MFN2: variants seen among roughly 807,000 people sequenced by gnomAD.
MFN2 encodes the protein mitofusin-2.
In MFN2, 43 loss-of-function variants were observed where a neutral mutation model predicts 87.5. The ratio of observed to expected loss-of-function variants is 0.49; its 90% confidence interval spans 0.38 to 0.63. The LOEUF (loss-of-function observed/expected upper bound fraction) is 0.63, where lower values mean the gene tolerates loss of function less well. MFN2 is among the 30% of genes least tolerant of loss of function. The probability of loss-of-function intolerance (pLI) is 0.00; values close to 1 mark genes in which losing one functional copy is unlikely to be tolerated. For missense variants in MFN2, 743 were observed against 972.8 expected (o/e 0.76, Z 3.14); for synonymous variants, 337 against 359.9 (o/e 0.94, Z 0.72).
Position 12,002,102 on chromosome 1 carries a change from C to G in MFN2, c.1159C>G (p.Gln387Glu). ...CCTGCACATGGCGGCTCGGGAGCAG[C>G]AGTAAGAGTCCAAGACTGCAGATAG... ...DSLHMAAREQ[Q>E]VYCEEMREER... Residue 387 changes from glutamine to glutamate, a missense_variant and splice_region_variant, in exon 11 of 19, where the codon CAG becomes GAG. Around this residue, in one of 3 missense-constraint regions of MFN2, gnomAD observed 571 missense variants for 670.7 expected, o/e 0.85. Coordinates refer to ENST00000235329, the MANE Select transcript of MFN2 (RefSeq NM_014874.4). 6.2e-7 allele frequency: 1 copy of G among 1,614,236 alleles called. No homozygotes were observed. The highest frequency in any genetic ancestry group is 8.5e-7 in the Non-Finnish European group (1 of 1,180,040).
Position 12,004,229 on chromosome 1 carries a change from G to A in MFN2, c.1287+111G>A, listed in dbSNP as rs1639302989. ...TCTCAGCCTTTCAGAAGAAAGTTGTGGCCCTGTTTCAAGAATACAGAGCTG... is the reference window on the plus strand; with the variant it reads ...TCTCAGCCTTTCAGAAGAAAGTTGTAGCCCTGTTTCAAGAATACAGAGCTG... On this transcript the variant is annotated intron_variant, in intron 12 of 18. Transcript: ENST00000235329. The surrounding 1 kb of genome is among the most constrained non-coding windows in gnomAD (Gnocchi z 4.2). 3.4e-6 allele frequency: 5 copies of A among 1,460,946 alleles called. No homozygotes were observed. The highest frequency in any genetic ancestry group is 4.7e-6 in the Non-Finnish European group (5 of 1,060,426). The allele number at this position is 1,460,946 out of a possible 1,614,324, so 90.5% of individuals were successfully genotyped here. A position where few individuals can be genotyped will look rare whatever the true frequency, so the allele number is the denominator to read the frequency against.
At position 12,004,449 on chromosome 1, in the gene MFN2, G is replaced by C. The variant is rs1639313708; in HGVS notation, c.1288-60G>C. The C allele has an allele frequency of 7.1e-7, 1 of 1,406,290 alleles. No individual in the cohort carries two copies. Among genetic ancestry groups the C allele is most frequent in the Non-Finnish European group, 1.0e-6 (1 of 991,014 alleles). The allele number at this position is 1,406,290 out of a possible 1,614,324, so 87.1% of individuals were successfully genotyped here. The stretch of plus-strand genomic sequence containing the variant: ...GCCATCTGCTAGGATCTCTCCTGGT[G>C]CTGCAGGAGTGAACTTTGGTCTTCC... On this transcript the variant is annotated intron_variant, in intron 12 of 18. Transcript: ENST00000235329. This position sits in a 1 kb window ranked among gnomAD's most constrained non-coding sequence, Gnocchi z 4.2.
Position 12,005,794 on chromosome 1 carries a change from G to T in MFN2, c.1579G>T (p.Asp527Tyr). 1 of 1,614,182 alleles carries T rather than the reference G, an allele frequency of 6.2e-7. No individual in the cohort carries two copies. Among genetic ancestry groups the T allele is most frequent in the South Asian group, 1.1e-5 (1 of 91,072 alleles). Residue 527 changes from aspartate (D) to tyrosine (Y), a missense_variant, in exon 15 of 19, where the codon GAC becomes TAC. Physicochemically the swap from Asp to Tyr is radical, Grantham distance 160 (BLOSUM62 -3). Coordinates refer to ENST00000235329, the MANE Select transcript of MFN2 (RefSeq NM_014874.4). ...VPRQCFSLNY[D>Y]LNCDKLCADF... ...ACGCCAGTGCTTCTCCCTCAACTAT[G>T]ACCTAAACTGTGACAAGCTGTGTGC...
Position 12,004,100 on chromosome 1 carries a change from G to T in MFN2, c.1269G>T (p.Thr423=). The T allele has an allele frequency of 6.2e-7, 1 of 1,614,132 alleles. No homozygotes were observed. The highest frequency in any genetic ancestry group is 1.3e-5 in the African/African-American group (1 of 75,048). The change falls in exon 12 of 19, where the codon ACG becomes ACT. Residue 423 remains threonine (T), a synonymous_variant. Coordinates refer to ENST00000235329, the MANE Select transcript of MFN2 (RefSeq NM_014874.4). The surrounding 1 kb of genome is among the most constrained non-coding windows in gnomAD (Gnocchi z 4.2). ...ATAAGCTGCGAATTAAGCAGATTAC[G>T]GAGGAAGTGGAGAGGCAGGTGAGAA... The part of the protein sequence containing the change: ...QDYKLRIKQI[T]EEVERQVSTA...
At position 11,986,972 on chromosome 1, in the gene MFN2, G is replaced by A. The variant is rs187517564; in HGVS notation, c.-4-2193G>A. The stretch of plus-strand genomic sequence containing the variant: ...ATGAAAAGATAAGCTACAAAGATAT[G>A]TAGGATTGAGTGAGAGCAAGAGAGA... On this transcript the variant is annotated intron_variant, in intron 2 of 18. Coordinates refer to ENST00000235329, the MANE Select transcript of MFN2 (RefSeq NM_014874.4). 3.3e-5 allele frequency among the ~76,000 whole-genome samples: 5 copies of A among 152,258 alleles called. No homozygotes were observed. The East Asian group carries it at 7.7e-4, about 24-fold the overall frequency.
intron 4 of MFN2, among the ~76,000 whole-genome samples, chr1:11,993,800 C>A (rs1478400621): frequency 6.6e-6 from 1 of 151,476 alleles, no homozygotes; most frequent in East Asian, 1.9e-4. Flanking sequence ...TTACTGCTAG[C>A]TTGATATACA....
chr1:12,011,392 A>C, intron 18 of MFN2, 104 bp from the exon 19 acceptor site: 1 of 1,135,478 alleles, frequency 8.8e-7, no homozygotes, highest in Non-Finnish European at 1.3e-6. Context: ...TTGGAGGATG[A>C]TGTAAGGGTG....
chr1:12,005,816 G>A lies in MFN2; in HGVS notation c.1601G>A (p.Cys534Tyr). Reference sequence around the variant, plus strand: ...TATGACCTAAACTGTGACAAGCTGTGTGCTGACTTCCAGGAAGACATTGAG... The same window carrying A: ...TATGACCTAAACTGTGACAAGCTGTATGCTGACTTCCAGGAAGACATTGAG... ...LNYDLNCDKL[C>Y]ADFQEDIEFH... Residue 534 changes from cysteine (C) to tyrosine (Y), a missense_variant, in exon 15 of 19, where the codon TGT becomes TAT. By Grantham distance (194) the Cys-to-Tyr change is radical. Coordinates refer to ENST00000235329, the MANE Select transcript of MFN2 (RefSeq NM_014874.4). The A allele has an allele frequency of 1.2e-6, 2 of 1,614,184 alleles. No individual in the cohort carries two copies. Among genetic ancestry groups the A allele is most frequent in the Non-Finnish European group, 8.5e-7 (1 of 1,180,020 alleles).
intron 3 of MFN2, among the ~76,000 whole-genome samples, chr1:11,991,758 A>G (rs1638687335): frequency 6.6e-6 from 1 of 151,308 alleles, no homozygotes; most frequent in Non-Finnish European, 1.5e-5. Flanking sequence ...CCCTGTCTCT[A>G]CTAAAAATAC....
intron 4 of MFN2, among the ~76,000 whole-genome samples, 159 bp downstream of exon 4, chr1:11,992,849 G>A (rs781590452): frequency 6.6e-6 from 1 of 151,650 alleles, no homozygotes; most frequent in Non-Finnish European, 1.5e-5. Context: ...TTTGAGACAG[G>A]GTTCTCTGTC....
intron 2 of MFN2, among the ~76,000 whole-genome samples, chr1:11,987,787 A>C (rs1638485345): frequency 6.6e-6 from 1 of 151,658 alleles, no homozygotes. Flanking sequence ...GTCTCTACAA[A>C]AAATTTTAAA....
intron 18 of MFN2, among the ~76,000 whole-genome samples, chr1:12,011,036 A>AC (rs1370862251): frequency 6.7e-6 from 1 of 149,436 alleles, no homozygotes; most frequent in Non-Finnish European, 1.5e-5. Flanking sequence ...CCCCCCCCGC[A>AC]CCCCCACCTG....
chr1:12,011,449 TG>T, intron 18 of MFN2, 46 bp from the exon 19 acceptor site: 2 of 1,603,534 alleles, frequency 1.2e-6, no homozygotes, highest in Non-Finnish European at 8.5e-7. Context: ...GTCCTAATAC[TG>T]CCTATCATCA....
At position 11,989,348 on chromosome 1, in the gene MFN2, G is replaced by T. The variant is rs530397368; in HGVS notation, c.175+5G>T. On this transcript the variant is annotated splice_donor_5th_base_variant and intron_variant, in intron 3 of 18. Coordinates refer to ENST00000235329, the MANE Select transcript of MFN2 (RefSeq NM_014874.4). ...AGAGCGCCACCTTCCTTGAAGGTAA[G>T]GGGGCACCGGCTCAGCCAGGCCCGC... is the stretch of plus-strand genomic sequence containing the variant. The T allele has an allele frequency of 6.2e-7, 1 of 1,613,682 alleles. No homozygotes were observed. Among genetic ancestry groups the T allele is most frequent in the Non-Finnish European group, 8.5e-7 (1 of 1,179,912 alleles).
At chr1:11,987,355 C>T (rs190763616) in intron 2 of MFN2, among the ~76,000 whole-genome samples, 304 of 149,314 alleles carry the variant, frequency 2.0e-3, no homozygotes, top group African/African-American at 7.0e-3. Flanking sequence ...TTGGGCCGGG[C>T]GTGGTGGCTC....
intron 8 of MFN2, 108 bp downstream of exon 8, chr1:11,999,203 T>G: frequency 1.1e-6 from 1 of 906,594 alleles, no homozygotes; most frequent in East Asian, 2.5e-5. Flanking sequence ...CTGAATTAAT[T>G]TTATTGCCAA....
In MFN2 at chr1:12,001,824, G is replaced by A; in HGVS notation, c.1026G>A (p.Glu342=). ...GGATGTTTGAGTTTCAGAATTTTGA[G>A]AGGAGATTTGAGGTGAGTCCTCTGA... ...QVRMFEFQNF[E]RRFEECISQS... is the part of the protein sequence containing the mutation. Residue 342 remains glutamate, a synonymous_variant, in exon 10 of 19, where the codon GAG becomes GAA. Transcript: ENST00000235329. The A allele has an allele frequency of 6.2e-7, 1 of 1,614,176 alleles. No homozygotes were observed. Among genetic ancestry groups the A allele is most frequent in the Non-Finnish European group, 8.5e-7 (1 of 1,180,032 alleles).
chr1:12,002,148 A>G (rs2236057), intron 11 of MFN2, 45 bp downstream of exon 11: 1,065,776 of 1,613,350 alleles, frequency 0.66, 353,990 homozygotes, highest in South Asian at 0.7. Flanking sequence ...CTGCCGAGAC[A>G]AGGGTGCTCC....
In MFN2 at chr1:12,013,044, TG is replaced by T. The variant is rs896153352; in HGVS notation, c.*1480del. On this transcript the variant is annotated 3_prime_UTR_variant, in exon 19 of 19. Transcript: ENST00000235329. ...ATTTAAAGCCCTCAGTCTGTCCTGTTGTGTGGGGCGAAGTGATGGACTCTGC... is the reference window on the plus strand; with the variant it reads ...ATTTAAAGCCCTCAGTCTGTCCTGTTTGTGGGGCGAAGTGATGGACTCTGC... 6.2e-6 allele frequency: 2 copies of T among 324,296 alleles called. No homozygotes were observed. The highest frequency in any genetic ancestry group is 4.4e-5 in the African/African-American group (2 of 45,646). 20.1% of individuals were successfully genotyped at this position (324,296 alleles called of 1,614,324 possible).
Sources: allele counts gnomAD v4.1 joint callset (sites outside exome capture counted in the v4.1 genomes callset), GRCh38; gene constraint gnomAD v4.1.1; regional missense constraint gnomAD v4.1.1; non-coding constraint Gnocchi (gnomAD v3.1); transcripts MANE v1.5; gene names NCBI Gene and HGNC (gene_info 2026-07-23, HGNC 2026-07-21).